Variants in EXOC6B observed in about 807,000 individuals in gnomAD.
EXOC6B encodes exocyst complex component 6B.
A neutral mutation model predicts 113.5 loss-of-function variants in EXOC6B; 54 were observed. That is an observed-to-expected ratio of 0.48 (90% CI 0.38 to 0.60). The LOEUF is 0.60. Among genes scored for constraint, EXOC6B ranks in the 20% least tolerant of loss-of-function variants. The probability of loss-of-function intolerance (pLI) is 0.00; values close to 1 mark genes in which losing one functional copy is unlikely to be tolerated. For synonymous variants in EXOC6B, 357 were observed against 339.0 expected (o/e 1.05, Z -0.58); for missense variants, 797 against 977.5 (o/e 0.82, Z 2.46).
intron 20 of EXOC6B, among the ~76,000 whole-genome samples, chr2:72,279,202 G>A (rs1036366509): frequency 2.6e-5 from 4 of 152,092 alleles, no homozygotes; most frequent in Non-Finnish European, 5.9e-5. Context: ...TTGAATCAGG[G>A]CTAACCTGGA....
intron 1 of EXOC6B, among the ~76,000 whole-genome samples, chr2:72,806,056 CA>C (rs1261856588): frequency 2.0e-5 from 3 of 151,908 alleles, no homozygotes; most frequent in South Asian, 4.2e-4. Flanking sequence ...ATTTTAGATT[CA>C]GGGGTACATG....
At chr2:72,468,756 T>C (rs1010567883) in intron 17 of EXOC6B, among the ~76,000 whole-genome samples, 4 of 152,232 alleles carry the variant, frequency 2.6e-5, no homozygotes, top group South Asian at 4.1e-4. Flanking sequence ...ACGATGTTAA[T>C]TTTTCAATCC....
chr2:72,716,322 G>A (rs1253239730), intron 6 of EXOC6B, among the ~76,000 whole-genome samples: 3 of 152,156 alleles, frequency 2.0e-5, no homozygotes, highest in African/African-American at 7.2e-5. Flanking sequence ...TTGAGGCAGT[G>A]AGAAATAAAC....
intron 6 of EXOC6B, among the ~76,000 whole-genome samples, chr2:72,656,313 T>C (rs2104425912): frequency 6.6e-6 from 1 of 152,202 alleles, no homozygotes; most frequent in African/African-American, 2.4e-5. Context: ...CTGGATAATC[T>C]TTTGTGAAAA....
intron 6 of EXOC6B, among the ~76,000 whole-genome samples, chr2:72,709,406 G>C (rs1029187677): frequency 1.3e-5 from 2 of 152,164 alleles, no homozygotes; most frequent in Non-Finnish European, 2.9e-5. Flanking sequence ...GCACATCGCA[G>C]GGATTGTTGG....
Position 72,556,645 on chromosome 2 carries a change from T to C in EXOC6B, c.915+2808A>G, listed in dbSNP as rs143594853. Reference sequence around the variant, plus strand: ...CCATGAACTTCCTAAAGTCCCCTTATATACAATGATGAACCTAAGATGGGT... The same window carrying C: ...CCATGAACTTCCTAAAGTCCCCTTACATACAATGATGAACCTAAGATGGGT... On this transcript the variant is annotated intron_variant, in intron 8 of 21. Coordinates refer to ENST00000272427, the MANE Select transcript of EXOC6B (RefSeq NM_015189.3). Among the ~76,000 whole-genome samples, 19 of 152,174 alleles carry C rather than the reference T, an allele frequency of 1.2e-4. No individual in the cohort carries two copies. In the East Asian group the frequency reaches 3.7e-3, roughly 29 times the overall value.
At chr2:72,494,371 G>A (rs1164457668) in intron 15 of EXOC6B, among the ~76,000 whole-genome samples, 1 of 151,938 alleles carries the variant, frequency 6.6e-6, no homozygotes, top group Non-Finnish European at 1.5e-5. Flanking sequence ...GGGTAAAAAA[G>A]TTTTGGTTTG....
chr2:72,566,228 T>C (rs1392809239), intron 7 of EXOC6B, among the ~76,000 whole-genome samples: 1 of 152,186 alleles, frequency 6.6e-6, no homozygotes, highest in African/African-American at 2.4e-5. Context: ...GATCATTTTC[T>C]ATCTCTAGAG....
At chr2:72,368,806 A>C (rs1422592660) in intron 19 of EXOC6B, among the ~76,000 whole-genome samples, 2 of 152,240 alleles carry the variant, frequency 1.3e-5, no homozygotes, top group Non-Finnish European at 2.9e-5. Context: ...CTTTGAAAAA[A>C]TTCAACAGCC....
chr2:72,247,793 T>C (rs1682758510), intron 20 of EXOC6B, among the ~76,000 whole-genome samples: 1 of 152,220 alleles, frequency 6.6e-6, no homozygotes, highest in East Asian at 1.9e-4. Flanking sequence ...GGTAGATTTT[T>C]CAAAGTGAAT....
At chr2:72,669,663 A>G (rs1430544886) in intron 6 of EXOC6B, among the ~76,000 whole-genome samples, 1 of 152,244 alleles carries the variant, frequency 6.6e-6, no homozygotes, top group East Asian at 1.9e-4. Context: ...ATCGCACTTT[A>G]AACTAGGGAT....
chr2:72,786,496 A>G (rs912775450), intron 1 of EXOC6B, among the ~76,000 whole-genome samples: 23 of 152,238 alleles, frequency 1.5e-4, no homozygotes, highest in African/African-American at 5.5e-4. Context: ...TATGTTGATG[A>G]TTTTTATAAA....
chr2:72,207,077 G>A (rs1572997916), intron 20 of EXOC6B, among the ~76,000 whole-genome samples: 3 of 151,930 alleles, frequency 2.0e-5, no homozygotes, highest in Non-Finnish European at 2.9e-5. Context: ...TTTTTCCCAC[G>A]AATTCAGAAT....
chr2:72,669,015 C>T (rs912119602), intron 6 of EXOC6B, among the ~76,000 whole-genome samples: 5 of 152,020 alleles, frequency 3.3e-5, no homozygotes, highest in Non-Finnish European at 4.4e-5. Context: ...TGAGCCCAGA[C>T]GTTTGAGTCT....
intron 20 of EXOC6B, among the ~76,000 whole-genome samples, chr2:72,274,890 T>C (rs1684719549): frequency 1.3e-5 from 2 of 152,128 alleles, no homozygotes; most frequent in South Asian, 2.1e-4. Context: ...TTTTTTTGCT[T>C]TTATAAAGTG....
At chr2:72,735,857 T>C (rs941620479) in intron 2 of EXOC6B, among the ~76,000 whole-genome samples, 3 of 150,938 alleles carry the variant, frequency 2.0e-5, no homozygotes, top group Admixed American at 6.6e-5. Flanking sequence ...ATAATAACTG[T>C]GTCAATACCA....
At chr2:72,402,900 C>T (rs367565989) in intron 18 of EXOC6B, among the ~76,000 whole-genome samples, 8 of 152,168 alleles carry the variant, frequency 5.3e-5, no homozygotes, top group African/African-American at 1.9e-4. Context: ...TCTTTCAGCT[C>T]ATGTAGAGCT....
At chr2:72,764,364 CTTTTTTT>C (rs397869115) in intron 1 of EXOC6B, among the ~76,000 whole-genome samples, 22 of 66,778 alleles carry the variant, frequency 3.3e-4, no homozygotes, top group Non-Finnish European at 1.4e-4. Flanking sequence ...TATTTTCTCT[CTTTTTTT>C]TTTTTTTTTT....
intron 6 of EXOC6B, among the ~76,000 whole-genome samples, chr2:72,605,429 TC>T (rs1263327916): frequency 3.9e-5 from 6 of 152,220 alleles, no homozygotes; most frequent in Admixed American, 3.9e-4. Context: ...AATAATCTCT[TC>T]CCAGTCTCAT....
Sources: allele counts gnomAD v4.1 joint callset (sites outside exome capture counted in the v4.1 genomes callset), GRCh38; gene constraint gnomAD v4.1.1; transcripts MANE v1.5; gene names NCBI Gene and HGNC (gene_info 2026-07-23, HGNC 2026-07-21).